Variants in PDZD4 observed in about 807,000 individuals in gnomAD.
PDZD4 encodes PDZ domain-containing protein 4.
PDZD4 carries 9 observed loss-of-function variants against 38.5 expected under a neutral mutation model. That is an observed-to-expected ratio of 0.23 (90% CI 0.14 to 0.41). PDZD4 has a LOEUF of 0.41. Ranked by LOEUF, PDZD4 falls within the 10% of genes least tolerant of loss-of-function variation. The probability of loss-of-function intolerance (pLI) is 1.00; values close to 1 mark genes in which losing one functional copy is unlikely to be tolerated. For missense variants in PDZD4, 612 were observed against 722.0 expected (o/e 0.85, Z 1.75); for synonymous variants, 349 against 315.7 (o/e 1.11, Z -1.12).
At chrX:153,821,288 C>CG (rs1381333048) in intron 1 of PDZD4, among the ~76,000 whole-genome samples, 2 of 110,398 alleles carry the variant, frequency 1.8e-5, no homozygotes, top group African/African-American at 6.6e-5. Context: ...ACATGTATAC[C>CG]GGTAGGGGTG....
At chrX:153,810,370 G>A (rs1440338764) in intron 1 of PDZD4, among the ~76,000 whole-genome samples, 2 of 112,518 alleles carry the variant, frequency 1.8e-5, no homozygotes, top group Non-Finnish European at 3.8e-5. Flanking sequence ...GGGGACACCT[G>A]GCCTCCATCA....
chrX:153,816,427 CTGTGGGCCGAGGACA>C (rs1418410963), intron 1 of PDZD4, among the ~76,000 whole-genome samples: 1 of 108,544 alleles, frequency 9.2e-6, no homozygotes. Context: ...GCTGGGGATT[CTGTGGGCCGAGGACA>C]TGTGACTCCC....
intron 1 of PDZD4, among the ~76,000 whole-genome samples, chrX:153,824,075 T>C (rs1557081961): frequency 1.8e-5 from 2 of 111,841 alleles, no homozygotes; most frequent in Non-Finnish European, 3.8e-5. Flanking sequence ...TACATGAACC[T>C]GGGGAACCAT....
At chrX:153,807,480 GT>G (rs1255101534) in intron 2 of PDZD4, 111 bp from the exon 3 acceptor site, 2 of 798,014 alleles carry the variant, frequency 2.5e-6, no homozygotes, top group Admixed American at 6.3e-5. Flanking sequence ...TGCTCTGCTT[GT>G]GCTCTCAAGG....
rs1205099673 is a variant in PDZD4, at chrX:153,802,617, C to T, written c.*736G>A. On this transcript the variant is annotated 3_prime_UTR_variant, in exon 8 of 8. Transcript: ENST00000393758. ...TGGGGAAACAGGTGCCCCCCAGAGG[C>T]TCCCCGTTCCCACACCTCAGAGTGG... 9.0e-6 allele frequency: 1 copy of T among 111,543 alleles called. No individual in the cohort carries two copies. Among genetic ancestry groups the T allele is most frequent in the Admixed American group, 9.5e-5 (1 of 10,542 alleles). The allele number at this position is 111,543 out of a possible 1,213,427, so 9.2% of individuals were successfully genotyped here. A position where few individuals can be genotyped will look rare whatever the true frequency, so the allele number is the denominator to read the frequency against.
intron 2 of PDZD4, chrX:153,807,847 C>A: frequency 1.0e-6 from 1 of 977,489 alleles, no homozygotes; most frequent in Middle Eastern, 3.0e-4. Context: ...GCCCTGTGGC[C>A]TACCTCCCCG....
intron 1 of PDZD4, among the ~76,000 whole-genome samples, chrX:153,825,445 A>C (rs1557082331): frequency 1.8e-5 from 2 of 112,311 alleles, no homozygotes; most frequent in Non-Finnish European, 3.8e-5. Flanking sequence ...GCTGCAGAAA[A>C]GGCTCCGGAG....
rs781784131 is a variant in PDZD4, at chrX:153,805,905, T to C, written c.567+166A>G. Among the ~76,000 whole-genome samples the C allele has an allele frequency of 8.1e-5, 9 of 111,302 alleles. No individual in the cohort carries two copies. In the South Asian group the frequency reaches 3.4e-3, roughly 42 times the overall value. ...GGCACACGGGAGCCACTGGGGTGAGTGGGCAGGAGAGAGATGAGACTCAGC... is the reference window on the plus strand; with the variant it reads ...GGCACACGGGAGCCACTGGGGTGAGCGGGCAGGAGAGAGATGAGACTCAGC... On this transcript the variant is annotated intron_variant, in intron 5 of 7. Transcript: ENST00000393758.
chrX:153,803,404 G>A lies in PDZD4; in HGVS notation c.2277C>T (p.Ser759=), dbSNP rs1399481023. 3.1e-5 allele frequency: 35 copies of A among 1,141,843 alleles called. No homozygotes were observed. The highest frequency in any genetic ancestry group is 3.9e-5 in the Non-Finnish European group (34 of 863,500). The allele number at this position is 1,141,843 out of a possible 1,213,427, so 94.1% of individuals were successfully genotyped here. The change falls in exon 8 of 8, where the codon TCC becomes TCT. Residue 759 remains serine, a synonymous_variant. Transcript: ENST00000393758. The stretch of plus-strand genomic sequence containing the variant: ...GGTTGTAGACCCGCTTGCCATCGGC[G>A]GAGCGCGCGCCGTGGGCCAGCATCT... ...IQEMLAHGAR[S]ADGKRVYNPL...
At chrX:153,820,349 C>CA (rs140401659) in intron 1 of PDZD4, among the ~76,000 whole-genome samples, 10,002 of 18,128 alleles carry the variant, frequency 0.55, 3,470 homozygotes, top group Non-Finnish European at 0.68. Flanking sequence ...GACTCCATCT[C>CA]AAAAAAAAAA....
At chrX:153,818,299 C>T (rs1212462463) in intron 1 of PDZD4, among the ~76,000 whole-genome samples, 2 of 109,613 alleles carry the variant, frequency 1.8e-5, no homozygotes, top group African/African-American at 6.7e-5. Context: ...GCTCCTGTAG[C>T]CCCAAGTGGT....
In PDZD4 at chrX:153,807,365, G is replaced by A. The variant is rs782799042; in HGVS notation, c.319C>T (p.Pro107Ser). The A allele has an allele frequency of 1.7e-6, 2 of 1,204,125 alleles. No individual in the cohort carries two copies. Among genetic ancestry groups the A allele is most frequent in the African/African-American group, 1.7e-5 (1 of 57,515 alleles). The change falls in exon 3 of 8, where the codon CCA becomes TCA. Residue 107 changes from proline to serine, a missense_variant. Pro to Ser is a moderately conservative substitution (Grantham distance 74). Coordinates refer to ENST00000393758, the MANE Select transcript of PDZD4 (RefSeq NM_001303512.2). ...LEPYVLSELPPISHEYYDPAE... is the reference protein window; with the variant it reads ...LEPYVLSELPSISHEYYDPAE... Reference sequence around the variant, plus strand: ...GGGTCATAATACTCATGGCTGATTGGGGGGCTGCCCAGGAGAAGGTGGGGG... The same window carrying A: ...GGGTCATAATACTCATGGCTGATTGAGGGGCTGCCCAGGAGAAGGTGGGGG...
chrX:153,814,453 A>C (rs1557079368), intron 1 of PDZD4, among the ~76,000 whole-genome samples: 1 of 102,278 alleles, frequency 9.8e-6, no homozygotes, highest in Admixed American at 1.1e-4. Context: ...CAGCCTGGGC[A>C]ACAGAGTCAG....
At chrX:153,830,042 A>C in intron 1 of PDZD4, 197 bp downstream of exon 1, 2 of 559,217 alleles carry the variant, frequency 3.6e-6, no homozygotes. Flanking sequence ...GGCCAACCCC[A>C]ACTTCCCACC....
Position 153,806,840 on chromosome X carries a change from C to T in PDZD4, c.406G>A (p.Glu136Lys). 1 of 1,208,005 alleles carries T rather than the reference C, an allele frequency of 8.3e-7. No homozygotes were observed. Among genetic ancestry groups the T allele is most frequent in the Non-Finnish European group, 1.1e-6 (1 of 892,379 alleles). Reference sequence around the variant, plus strand: ...TGGCTGCTTTTATACAGCTCCACCTCCTGCCACGAGGGGTCCGGGAGGAAG... The same window carrying T: ...TGGCTGCTTTTATACAGCTCCACCTTCTGCCACGAGGGGTCCGGGAGGAAG... Reference protein sequence around the residue: ...ADRLDELEYEEVELYKSSHRD... With the variant: ...ADRLDELEYEKVELYKSSHRD... The change falls in exon 4 of 8, where the codon GAG becomes AAG. Residue 136 changes from glutamate to lysine, a missense_variant and splice_region_variant. Transcript: ENST00000393758.
chrX:153,805,874 C>T (rs186738796), intron 5 of PDZD4, among the ~76,000 whole-genome samples, 197 bp downstream of exon 5: 30 of 112,048 alleles, frequency 2.7e-4, no homozygotes, highest in African/African-American at 8.1e-4. Context: ...GCCAGCAGAT[C>T]CCATAGGCAC....
intron 2 of PDZD4, among the ~76,000 whole-genome samples, chrX:153,807,627 C>G (rs2064265409): frequency 1.1e-5 from 1 of 89,136 alleles, no homozygotes; most frequent in Admixed American, 1.5e-4. Flanking sequence ...GTTCCCGTCC[C>G]CCAGACCAGA....
In PDZD4 at chrX:153,806,588, A is replaced by G. The variant is rs550125189; in HGVS notation, c.504+154T>C. ...TTTCTGCAGATGACTACCTCACTGGACAGTGGCTGAAGCCGTCGACCATCA... is the reference window on the plus strand; with the variant it reads ...TTTCTGCAGATGACTACCTCACTGGGCAGTGGCTGAAGCCGTCGACCATCA... On this transcript the variant is annotated intron_variant, in intron 4 of 7. Coordinates refer to ENST00000393758, the MANE Select transcript of PDZD4 (RefSeq NM_001303512.2). Among the ~76,000 whole-genome samples the G allele has an allele frequency of 6.9e-4, 78 of 112,312 alleles. No individual in the cohort carries two copies. In the South Asian group the frequency reaches 0.01, roughly 15 times the overall value.
chrX:153,814,277 C>T (rs376898177), intron 1 of PDZD4, among the ~76,000 whole-genome samples: 109 of 111,541 alleles, frequency 9.8e-4, no homozygotes, highest in African/African-American at 3.2e-3. Context: ...AGTTCGAGAC[C>T]AGCCTGGCCA....
Sources: allele counts gnomAD v4.1 joint callset (sites outside exome capture counted in the v4.1 genomes callset), GRCh38; gene constraint gnomAD v4.1.1; transcripts MANE v1.5; gene names NCBI Gene and HGNC (gene_info 2026-07-23, HGNC 2026-07-21).